ADAMTS5: variants seen among roughly 807,000 people sequenced by gnomAD.
ADAMTS5 encodes the protein ADAM metallopeptidase with thrombospondin type 1 motif 5.
ADAMTS5 carries 54 observed loss-of-function variants against 81.4 expected under a neutral mutation model. The observed-to-expected ratio is 0.66, with a 90% confidence interval of 0.53 to 0.83. The LOEUF is 0.83. ADAMTS5 is among the 40% of genes least tolerant of loss of function. The pLI is 0.00. For synonymous variants in ADAMTS5, 532 were observed against 508.8 expected (o/e 1.05, Z -0.61); for missense variants, 1,194 against 1,229.9 (o/e 0.97, Z 0.44).
intron 1 of ADAMTS5, among the ~76,000 whole-genome samples, chr21:26,961,666 GTTAA>G (rs1987531416): frequency 6.6e-6 from 1 of 152,146 alleles, no homozygotes; most frequent in African/African-American, 2.4e-5. Context: ...TTGTAAAAAT[GTTAA>G]TTAGAGCTGC....
Position 26,929,836 on chromosome 21 carries a change from G to C in ADAMTS5, c.2225+50C>G, listed in dbSNP as rs770115005. On this transcript the variant is annotated intron_variant, in intron 7 of 7. Coordinates refer to ENST00000284987, the MANE Select transcript of ADAMTS5 (RefSeq NM_007038.5). ...ATCCTCCTTTATCAATTCTGCAAGA[G>C]TCTAAAGCTTTGTTCAATTCACATA... 4.5e-6 allele frequency: 7 copies of C among 1,568,674 alleles called. No homozygotes were observed. The South Asian group carries it at 8.2e-5, about 18-fold the overall frequency.
At chr21:26,929,110 T>C (rs1219132088) in intron 7 of ADAMTS5, among the ~76,000 whole-genome samples, 1 of 152,212 alleles carries the variant, frequency 6.6e-6, no homozygotes, top group Non-Finnish European at 1.5e-5. Flanking sequence ...GTTTAATTAT[T>C]TTAATAAATC....
In ADAMTS5 at chr21:26,966,226, C is replaced by T. The variant is rs1987665226; in HGVS notation, c.166G>A (p.Glu56Lys). The T allele has an allele frequency of 3.1e-6, 5 of 1,599,968 alleles. No homozygotes were observed. Among genetic ancestry groups the T allele is most frequent in the Middle Eastern group, 1.7e-4 (1 of 5,976 alleles). Residue 56 changes from glutamate (E) to lysine (K), a missense_variant, in exon 1 of 8, where the codon GAG becomes AAG. By Grantham distance (56) the Glu-to-Lys change is moderately conservative. Coordinates refer to ENST00000284987, the MANE Select transcript of ADAMTS5 (RefSeq NM_007038.5). The stretch of plus-strand genomic sequence containing the variant: ...AGGGGGTGCGGGTGGCCGGGAGGCT[C>T]GGCTCGCTCCTGCACCTCCTCCCCC... ...RQGEEVQERA[E>K]PPGHPHPLAQ...
At chr21:26,964,850 G>A (rs771315911) in intron 1 of ADAMTS5, among the ~76,000 whole-genome samples, 1 of 152,236 alleles carries the variant, frequency 6.6e-6, no homozygotes, top group Non-Finnish European at 1.5e-5. Context: ...AGTGAGTACC[G>A]TGAGTGAACC....
rs1453879932 is a variant in ADAMTS5 at position 26,923,303 on chromosome 21, GGCTA to G, written c.*746_*749del. The G allele has an allele frequency of 1.3e-5, 2 of 151,598 alleles. No homozygotes were observed. Among genetic ancestry groups the G allele is most frequent in the African/African-American group, 4.8e-5 (2 of 41,262 alleles). The allele number at this position is 151,598 out of a possible 1,614,324, so 9.4% of individuals were successfully genotyped here. A position where few individuals can be genotyped will look rare whatever the true frequency, so the allele number is the denominator to read the frequency against. The stretch of plus-strand genomic sequence containing the variant: ...TACATCTGAAATTATGCATTAATTT[GGCTA>G]GCTACCTGAAAAAAATACAGGCAGT... On this transcript the variant is annotated 3_prime_UTR_variant, in exon 8 of 8. Coordinates refer to ENST00000284987, the MANE Select transcript of ADAMTS5 (RefSeq NM_007038.5).
rs534089769 is a variant in ADAMTS5, at chr21:26,929,757, GTTTC to G, written c.2225+125_2225+128del. 16 of 791,122 alleles carry G rather than the reference GTTTC, an allele frequency of 2.0e-5. No individual in the cohort carries two copies. The African/African-American group carries it at 2.5e-4, about 12-fold the overall frequency. The allele number at this position is 791,122 out of a possible 1,614,324, so 49.0% of individuals were successfully genotyped here. A position where few individuals can be genotyped will look rare whatever the true frequency, so the allele number is the denominator to read the frequency against. On this transcript the variant is annotated intron_variant, in intron 7 of 7. Coordinates refer to ENST00000284987, the MANE Select transcript of ADAMTS5 (RefSeq NM_007038.5). Reference sequence around the variant, plus strand: ...CTCTTCCTTCTCATATTTAAAATGTGTTTCTAGAGCCACGTTAGACCTCCTCATA... The same window carrying G: ...CTCTTCCTTCTCATATTTAAAATGTGTAGAGCCACGTTAGACCTCCTCATA...
chr21:26,954,905 A>C, intron 1 of ADAMTS5, 34 bp from the exon 2 acceptor site: 1 of 1,611,196 alleles, frequency 6.2e-7, no homozygotes, highest in Non-Finnish European at 8.5e-7. Context: ...CATTAAAATC[A>C]ATTTACATCC....
rs1442960950 is a variant in ADAMTS5 at position 26,929,924 on chromosome 21, G to A, written c.2187C>T (p.Ser729=). Residue 729 remains serine, a synonymous_variant, in exon 7 of 8, where the codon TCC becomes TCT. Coordinates refer to ENST00000284987, the MANE Select transcript of ADAMTS5 (RefSeq NM_007038.5). ...DKCGVCGGDN[S]SCTKIVGTFN... is the part of the protein sequence containing the mutation. ...AGGTTCCAACAATCTTTGTACAGCT[G>A]GAGTTGTCTCCTCCACATACTCCGC... 1 of 1,613,992 alleles carries A rather than the reference G, an allele frequency of 6.2e-7. No individual in the cohort carries two copies. Among genetic ancestry groups the A allele is most frequent in the South Asian group, 1.1e-5 (1 of 91,050 alleles).
chr21:26,955,894 A>C (rs1423836044), intron 1 of ADAMTS5, among the ~76,000 whole-genome samples: 1 of 152,242 alleles, frequency 6.6e-6, no homozygotes. Context: ...AGTTTTAAAA[A>C]TATACTAATT....
chr21:26,965,719 G>C lies in ADAMTS5; in HGVS notation c.673C>G (p.His225Asp). ...GCTGCGCGTCCGCTCGGGTTGCTGT[G>C]CGCCGGAGCATGCTCGTGGGCCTCC... is the stretch of plus-strand genomic sequence containing the variant. ...TPEAHEHAPA[H>D]SNPSGRAALA... The change falls in exon 1 of 8, where the codon CAC becomes GAC. Residue 225 changes from histidine to aspartate, a missense_variant. Coordinates refer to ENST00000284987, the MANE Select transcript of ADAMTS5 (RefSeq NM_007038.5). 2 of 1,587,974 alleles carry C rather than the reference G, an allele frequency of 1.3e-6. No individual in the cohort carries two copies. The highest frequency in any genetic ancestry group is 1.7e-6 in the Non-Finnish European group (2 of 1,168,804).
chr21:26,940,223 G>T (rs1449027644), intron 3 of ADAMTS5, among the ~76,000 whole-genome samples: 1 of 152,116 alleles, frequency 6.6e-6, no homozygotes, highest in Non-Finnish European at 1.5e-5. Flanking sequence ...AGACATAAAT[G>T]GAATTCCCAT....
chr21:26,938,233 G>A (rs1326984247), intron 3 of ADAMTS5, among the ~76,000 whole-genome samples: 8 of 150,316 alleles, frequency 5.3e-5, no homozygotes, highest in African/African-American at 1.5e-4. Flanking sequence ...AACAAAGAGC[G>A]AAACTCCGTC....
rs375872938 is a variant in ADAMTS5 at position 26,966,026 on chromosome 21, C to A, written c.366G>T (p.Ala122=). The stretch of plus-strand genomic sequence containing the variant: ...AGCAGTGGCTCCGGTGGCGCCAGGG[C>A]GCACTCGTCCCGCCTCCTGCGGGCA... ...GFVPAGGGTS[A]PWRHRSHCFY... is the part of the protein sequence containing the mutation. The change falls in exon 1 of 8, where the codon GCG becomes GCT. Residue 122 remains alanine (A), a synonymous_variant. Coordinates refer to ENST00000284987, the MANE Select transcript of ADAMTS5 (RefSeq NM_007038.5). The A allele has an allele frequency of 3.5e-5, 57 of 1,612,852 alleles. No individual in the cohort carries two copies. The highest frequency in any genetic ancestry group is 1.6e-4 in the Middle Eastern group (1 of 6,084).
In ADAMTS5 at chr21:26,943,454, G is replaced by C. The variant is rs764398596; in HGVS notation, c.1331C>G (p.Thr444Ser). ...CCAGGGCTTAGATGCATCAATGCTG[G>C]TAAGGATGGAAGACATTAAGCGCTT... ...EDKRLMSSILTSIDASKPWSK... is the reference protein window; with the variant it reads ...EDKRLMSSILSSIDASKPWSK... Residue 444 changes from threonine (T) to serine (S), a missense_variant, in exon 3 of 8, where the codon ACC (threonine) becomes AGC (serine). Thr to Ser is a moderately conservative substitution (Grantham distance 58). This residue lies in a region of ADAMTS5 where 696 missense variants were observed against 817.6 expected (regional missense o/e 0.85). Coordinates refer to ENST00000284987, the MANE Select transcript of ADAMTS5 (RefSeq NM_007038.5). 1 of 1,613,720 alleles carries C rather than the reference G, an allele frequency of 6.2e-7. No individual in the cohort carries two copies. Among genetic ancestry groups the C allele is most frequent in the Non-Finnish European group, 8.5e-7 (1 of 1,179,742 alleles).
Position 26,934,810 on chromosome 21 carries a change from T to C in ADAMTS5, c.1406-61A>G, listed in dbSNP as rs1986984219. The C allele has an allele frequency of 1.9e-6, 3 of 1,582,326 alleles. No homozygotes were observed. The South Asian group carries it at 3.5e-5, about 18-fold the overall frequency. ...TTTAGGTTTCAAACCGCTAAAATCA[T>C]GGATCTAAAAATGAAATGCCCCGGC... On this transcript the variant is annotated intron_variant, in intron 3 of 7. Transcript: ENST00000284987.
intron 3 of ADAMTS5, 50 bp from the exon 4 acceptor site, chr21:26,934,799 C>G (rs368409758): frequency 6.3e-7 from 1 of 1,590,532 alleles, no homozygotes; most frequent in African/African-American, 1.3e-5. Flanking sequence ...GGTTTCAAAC[C>G]GCTAAAATCA....
At position 26,918,762 on chromosome 21, in the gene ADAMTS5, A is replaced by G. The variant is rs1054201184; in HGVS notation, c.*5291T>C. The G allele has an allele frequency of 6.6e-6, 1 of 152,030 alleles. No homozygotes were observed. Among genetic ancestry groups the G allele is most frequent in the African/African-American group, 2.4e-5 (1 of 41,432 alleles). 9.4% of individuals were successfully genotyped at this position (152,030 alleles called of 1,614,324 possible). A position where few individuals can be genotyped will look rare whatever the true frequency, so the allele number is the denominator to read the frequency against. On this transcript the variant is annotated 3_prime_UTR_variant, in exon 8 of 8. Coordinates refer to ENST00000284987, the MANE Select transcript of ADAMTS5 (RefSeq NM_007038.5). ...GTTGTTAAAGAAAAGGCTGAGATAT[A>G]GTCACCAAGTGTTTACCAATAACAT...
chr21:26,947,282 C>T (rs1258657970), intron 2 of ADAMTS5, among the ~76,000 whole-genome samples: 1 of 152,108 alleles, frequency 6.6e-6, no homozygotes, highest in Non-Finnish European at 1.5e-5. Flanking sequence ...TTGTTAATGA[C>T]CTCTGTATTT....
At position 26,924,103 on chromosome 21, in the gene ADAMTS5, G is replaced by C; in HGVS notation, c.2743C>G (p.Leu915Val). 2 of 1,611,534 alleles carry C rather than the reference G, an allele frequency of 1.2e-6. No homozygotes were observed. Among genetic ancestry groups the C allele is most frequent in the Non-Finnish European group, 1.7e-6 (2 of 1,177,784 alleles). Residue 915 changes from leucine (L) to valine (V), a missense_variant, in exon 8 of 8, where the codon CTC becomes GTC. Physicochemically the swap from Leu to Val is conservative, Grantham distance 32 (BLOSUM62 1). Coordinates refer to ENST00000284987, the MANE Select transcript of ADAMTS5 (RefSeq NM_007038.5). ...TTAAACGCAGAAGGCCTTTGGGAGA[G>C]AGGACATCCTTTTGCTAACTTCCGG... is the stretch of plus-strand genomic sequence containing the variant. The part of the protein sequence containing the change: ...GNRKLAKGCP[L>V]SQRPSAFKQC...
Sources: allele counts gnomAD v4.1 joint callset (sites outside exome capture counted in the v4.1 genomes callset), GRCh38; gene constraint gnomAD v4.1.1; regional missense constraint gnomAD v4.1.1; transcripts MANE v1.5; gene names NCBI Gene and HGNC (gene_info 2026-07-23, HGNC 2026-07-21).